FREM1: variants seen among roughly 807,000 people sequenced by gnomAD.
FREM1 encodes FRAS1-related extracellular matrix protein 1.
A neutral mutation model predicts 210.1 loss-of-function variants in FREM1; 220 were observed. The observed-to-expected ratio is 1.05, with a 90% CI of 0.94 to 1.17. The LOEUF is 1.17. FREM1 is among the 50% of genes most tolerant of loss of function. The pLI is 0.00. For missense variants in FREM1, 3,454 were observed against 2,675.5 expected, an observed-to-expected ratio of 1.29 and a Z score of -6.42; for synonymous variants, 1,189 against 980.2, an observed-to-expected ratio of 1.21 and a Z score of -3.98.
chr9:14,856,258 C>T (rs1344297571), intron 5 of FREM1, among the ~76,000 whole-genome samples: 10 of 152,102 alleles, frequency 6.6e-5, no homozygotes, highest in African/African-American at 1.4e-4. Flanking sequence ...GTTAAGTGGA[C>T]GTTTGAACCC....
At chr9:14,815,083 A>G (rs1820063015) in intron 15 of FREM1, among the ~76,000 whole-genome samples, 1 of 152,230 alleles carries the variant, frequency 6.6e-6, no homozygotes, top group African/African-American at 2.4e-5. Flanking sequence ...GGCCATTATG[A>G]GGACTAAGTG....
Position 14,857,756 on chromosome 9 carries a change from T to A in FREM1, c.632-7A>T, listed in dbSNP as rs773203771. 3.8e-6 allele frequency: 6 copies of A among 1,576,706 alleles called. No individual in the cohort carries two copies. The highest frequency in any genetic ancestry group is 5.2e-6 in the Non-Finnish European group (6 of 1,161,236). On this transcript the variant is annotated splice_region_variant and splice_polypyrimidine_tract_variant and intron_variant, in intron 4 of 36. Transcript: ENST00000380880. ...TTCAGTTTTGCTCTCAGTTCTAGAA[T>A]GTACAGCACTGGATTAAGAGAGTCA...
intron 10 of FREM1, among the ~76,000 whole-genome samples, chr9:14,825,535 ATGTG>A (rs1237770928): frequency 9.2e-6 from 1 of 108,728 alleles, no homozygotes; most frequent in African/African-American, 3.5e-5. Context: ...ATATATATAT[ATGTG>A]TGTGTGTGTA....
At position 14,759,891 on chromosome 9, in the gene FREM1, T is replaced by G; in HGVS notation, c.5215A>C (p.Lys1739Gln). The G allele has an allele frequency of 6.2e-7, 1 of 1,610,512 alleles. No homozygotes were observed. Among genetic ancestry groups the G allele is most frequent in the Non-Finnish European group, 8.5e-7 (1 of 1,177,982 alleles). ...TGTGACCATTCAATATGAGACCACT[T>G]CAGTTCCAAACTGTGTGTGAAAGGA... ...NSATPQILELKWSHIEWSQTE... is the reference protein window; with the variant it reads ...NSATPQILELQWSHIEWSQTE... The change falls in exon 28 of 37, where the codon AAG becomes CAG. Residue 1739 changes from lysine (K) to glutamine (Q), a missense_variant. Physicochemically the swap from Lys to Gln is moderately conservative, Grantham distance 53. Coordinates refer to ENST00000380880, the MANE Select transcript of FREM1 (RefSeq NM_001379081.2).
chr9:14,780,433 G>GAAAAAAACAAAAAAAAAAAAAAAAAAAAA (rs1849465151), intron 24 of FREM1, among the ~76,000 whole-genome samples: 1 of 81,536 alleles, frequency 1.2e-5, no homozygotes, highest in African/African-American at 4.3e-5. Context: ...CAGCTCCTCA[G>GAAAAAAACAAAAAAAAAAAAAAAAAAAAA]AAAAAAAAAA....
At chr9:14,905,694 G>C (rs1400245387) in intron 1 of FREM1, among the ~76,000 whole-genome samples, 1 of 152,130 alleles carries the variant, frequency 6.6e-6, no homozygotes, top group African/African-American at 2.4e-5. Context: ...TTCAAGAGCA[G>C]CCTGGCCAAC....
chr9:14,795,798 T>C (rs1427927449), intron 21 of FREM1, among the ~76,000 whole-genome samples: 1 of 152,176 alleles, frequency 6.6e-6, no homozygotes, highest in Non-Finnish European at 1.5e-5. Context: ...AAATAATATA[T>C]GTGAAAGAAT....
intron 1 of FREM1, among the ~76,000 whole-genome samples, chr9:14,900,947 T>C (rs973758492): frequency 6.6e-6 from 1 of 152,236 alleles, no homozygotes; most frequent in African/African-American, 2.4e-5. Flanking sequence ...TTAGCAAAAT[T>C]GTCAGAAAGG....
chr9:14,894,226 T>C (rs1837323427), intron 1 of FREM1, among the ~76,000 whole-genome samples: 1 of 152,230 alleles, frequency 6.6e-6, no homozygotes, highest in African/African-American at 2.4e-5. Flanking sequence ...TGTTCCAAAA[T>C]AATGGAAAAA....
chr9:14,856,726 G>A (rs140705238), intron 5 of FREM1, among the ~76,000 whole-genome samples: 13 of 151,940 alleles, frequency 8.6e-5, no homozygotes, highest in South Asian at 4.2e-4. Flanking sequence ...CCAGCTACTC[G>A]GGAGGCTGAG....
At chr9:14,738,358 T>C (rs947907418) in intron 36 of FREM1, among the ~76,000 whole-genome samples, 2 of 95,298 alleles carry the variant, frequency 2.1e-5, no homozygotes, top group Non-Finnish European at 4.6e-5. Context: ...CCTAGATACA[T>C]AACATTTTAC....
In FREM1 at chr9:14,859,185, G is replaced by A. The variant is rs754627212; in HGVS notation, c.629C>T (p.Ser210Phe). 1.0e-5 allele frequency: 16 copies of A among 1,573,230 alleles called. No individual in the cohort carries two copies. The South Asian group carries it at 1.8e-4, about 17-fold the overall frequency. Residue 210 changes from serine to phenylalanine, a missense_variant and splice_region_variant, in exon 4 of 37, where the codon TCC becomes TTC. Physicochemically the swap from Ser to Phe is radical, Grantham distance 155. Coordinates refer to ENST00000380880, the MANE Select transcript of FREM1 (RefSeq NM_001379081.2). ...AAAGGCATTAAAAGACATCATACGG[G>A]ACTCTGGGAAAAAACTGTGTGGCTG... The part of the protein sequence containing the change: ...GDQPHSFFPE[S>F]QLRAKLKCPG...
intron 13 of FREM1, among the ~76,000 whole-genome samples, chr9:14,820,316 G>A (rs927435471): frequency 1.3e-5 from 2 of 152,210 alleles, no homozygotes; most frequent in Non-Finnish European, 2.9e-5. Context: ...AGAAGTGAAA[G>A]CAAGCAGATA....
chr9:14,747,315 C>T lies in FREM1; in HGVS notation c.5958G>A (p.Leu1986=). The T allele has an allele frequency of 1.2e-6, 2 of 1,613,682 alleles. No homozygotes were observed. The highest frequency in any genetic ancestry group is 1.7e-6 in the Non-Finnish European group (2 of 1,179,760). Reference sequence around the variant, plus strand: ...TGGATTCCACCTTATCTGCTTGAGGCAGTTCTGCCACTTTGATTGTCTTTT... The same window carrying T: ...TGGATTCCACCTTATCTGCTTGAGGTAGTTCTGCCACTTTGATTGTCTTTT... ...QPQKTIKVAE[L]PQADKVESTT... The change falls in exon 33 of 37, where the codon CTG becomes CTA. Residue 1986 remains leucine, a synonymous_variant. Coordinates refer to ENST00000380880, the MANE Select transcript of FREM1 (RefSeq NM_001379081.2).
At chr9:14,790,149 G>A (rs1029111152) in intron 22 of FREM1, among the ~76,000 whole-genome samples, 2 of 152,162 alleles carry the variant, frequency 1.3e-5, no homozygotes, top group Non-Finnish European at 2.9e-5. Flanking sequence ...TGGCACAGCA[G>A]TGGGATGAAG....
At chr9:14,871,348 T>C (rs1438262510) in intron 1 of FREM1, among the ~76,000 whole-genome samples, 1 of 152,244 alleles carries the variant, frequency 6.6e-6, no homozygotes, top group Non-Finnish European at 1.5e-5. Context: ...ATTGCCATTC[T>C]AACTGGTGTG....
intron 28 of FREM1, among the ~76,000 whole-genome samples, chr9:14,759,279 G>T (rs1009212223): frequency 7.2e-5 from 11 of 152,140 alleles, no homozygotes; most frequent in African/African-American, 2.4e-4. Flanking sequence ...GAAGGCCAAG[G>T]TGGATGGATT....
chr9:14,802,797 G>C (rs1055546659), intron 19 of FREM1, among the ~76,000 whole-genome samples: 5 of 152,140 alleles, frequency 3.3e-5, no homozygotes, highest in African/African-American at 9.7e-5. Context: ...AACAACCCAA[G>C]TCAGGTAAGA....
intron 1 of FREM1, among the ~76,000 whole-genome samples, chr9:14,900,852 T>G (rs1838662652): frequency 6.6e-6 from 1 of 152,172 alleles, no homozygotes; most frequent in African/African-American, 2.4e-5. Flanking sequence ...GGCTATGGGA[T>G]TCTTTGGTAG....
Sources: gnomAD v4.1 joint callset for allele counts (sites outside exome capture counted in the v4.1 genomes callset) on GRCh38, gnomAD v4.1.1 for gene constraint, MANE v1.5 for transcripts, NCBI Gene and HGNC (gene_info 2026-07-23, HGNC 2026-07-21) for gene names.